MTA3: variants seen among roughly 807,000 people sequenced by gnomAD.
MTA3 encodes metastasis associated 1 family member 3, also known as metastasis-associated protein MTA3.
Under a neutral mutation model 83.5 loss-of-function variants are expected in MTA3, and 34 were observed. The observed-to-expected ratio is 0.41, with a 90% confidence interval of 0.31 to 0.54. MTA3 has a LOEUF of 0.54. Among genes scored for constraint, MTA3 ranks in the 20% least tolerant of loss-of-function variants. The probability of loss-of-function intolerance (pLI) is 0.33; values close to 1 mark genes in which losing one functional copy is unlikely to be tolerated. For synonymous variants in MTA3, 303 were observed against 252.7 expected (o/e 1.20, Z -1.89); for missense variants, 761 against 726.4 (o/e 1.05, Z -0.55).
Position 42,753,513 on chromosome 2 carries a change from C to T in MTA3, c.*114C>T. 1.3e-6 allele frequency: 2 copies of T among 1,524,790 alleles called. No individual in the cohort carries two copies. Among genetic ancestry groups the T allele is most frequent in the Non-Finnish European group, 1.8e-6 (2 of 1,132,972 alleles). 94.5% of individuals were successfully genotyped at this position (1,524,790 alleles called of 1,614,324 possible). On this transcript the variant is annotated 3_prime_UTR_variant, in exon 17 of 17. Transcript: ENST00000405094. ...CCCAGTACATTTCAGTGGGAGACCT[C>T]TGCGTGCATCCATGGAGACGCAATG...
intron 4 of MTA3, among the ~76,000 whole-genome samples, chr2:42,632,015 A>G (rs1686724795): frequency 6.6e-6 from 1 of 150,622 alleles, no homozygotes; most frequent in Admixed American, 6.6e-5. Flanking sequence ...AAAATGTACA[A>G]TTAAGTTATT....
intron 2 of MTA3, among the ~76,000 whole-genome samples, chr2:42,554,067 C>G (rs1178154405): frequency 2.0e-5 from 3 of 151,944 alleles, no homozygotes; most frequent in Non-Finnish European, 4.4e-5. Context: ...AACTCCGTCT[C>G]TACCAAAAAT....
chr2:42,665,627 C>A (rs756362310), intron 8 of MTA3, among the ~76,000 whole-genome samples: 2 of 152,168 alleles, frequency 1.3e-5, no homozygotes, highest in African/African-American at 2.4e-5. Flanking sequence ...TGTGAGGGAG[C>A]TGGATCGAAG....
In MTA3 at chr2:42,579,167, A is replaced by G; in HGVS notation, c.157A>G (p.Asn53Asp). The change falls in exon 3 of 17, where the codon AAC (asparagine) becomes GAC (aspartate). Residue 53 changes from asparagine to aspartate, a missense_variant. Asn to Asp is a conservative substitution (Grantham distance 23). Transcript: ENST00000405094. ...VCFYRRRDISNTLIMLADKHA... is the reference protein window; with the variant it reads ...VCFYRRRDISDTLIMLADKHA... ...CTTTTATAGACGACGTGATATTTCC[A>G]ACACACTTATAATGCTCGCAGATAA... 1.2e-6 allele frequency: 2 copies of G among 1,607,238 alleles called. No homozygotes were observed. Among genetic ancestry groups the G allele is most frequent in the South Asian group, 1.1e-5 (1 of 89,228 alleles).
chr2:42,559,824 T>C (rs1231504990), intron 2 of MTA3, among the ~76,000 whole-genome samples: 1 of 113,354 alleles, frequency 8.8e-6, no homozygotes, highest in African/African-American at 3.4e-5. Flanking sequence ...GGCAGGGGGG[T>C]GCGGTGGAGG....
At chr2:42,626,384 G>C (rs1466158842) in intron 4 of MTA3, among the ~76,000 whole-genome samples, 2 of 151,520 alleles carry the variant, frequency 1.3e-5, no homozygotes, top group African/African-American at 4.9e-5. Context: ...TGCAACCTCT[G>C]CTTCTTGGGC....
At chr2:42,497,739 A>G (rs1674212495) in intron 2 of MTA3, among the ~76,000 whole-genome samples, 1 of 152,288 alleles carries the variant, frequency 6.6e-6, no homozygotes, top group Middle Eastern at 3.4e-3. Flanking sequence ...TAATACCTAC[A>G]TCCAAAGGGG....
intron 6 of MTA3, 85 bp downstream of exon 6, chr2:42,644,329 T>C (rs1162831876): frequency 1.2e-6 from 1 of 807,038 alleles, no homozygotes; most frequent in Non-Finnish European, 2.0e-6. Context: ...GAAGAGGCAA[T>C]GTTCAGGGCA....
intron 2 of MTA3, among the ~76,000 whole-genome samples, chr2:42,558,070 A>C (rs1012792030): frequency 6.6e-6 from 1 of 152,052 alleles, no homozygotes; most frequent in Non-Finnish European, 1.5e-5. Flanking sequence ...CTCTTGCTCC[A>C]GTTTGTCGGT....
intron 8 of MTA3, among the ~76,000 whole-genome samples, chr2:42,678,394 G>C (rs1405244465): frequency 6.6e-6 from 1 of 152,134 alleles, no homozygotes; most frequent in Non-Finnish European, 1.5e-5. Context: ...CTGGAGTGCA[G>C]TGGCGTGATC....
intron 16 of MTA3, among the ~76,000 whole-genome samples, chr2:42,739,802 G>C (rs558551753): frequency 3.7e-4 from 57 of 152,286 alleles, no homozygotes; most frequent in African/African-American, 1.2e-3. Context: ...TGTTCACAGC[G>C]TGTTCAGGAG....
intron 2 of MTA3, among the ~76,000 whole-genome samples, chr2:42,549,591 TATAC>T (rs1296560061): frequency 3.4e-5 from 4 of 118,932 alleles, no homozygotes; most frequent in African/African-American, 1.4e-4. Context: ...TAATATATTA[TATAC>T]ATATACATAT....
chr2:42,649,184 C>T (rs1274713132), intron 6 of MTA3, among the ~76,000 whole-genome samples: 1 of 152,124 alleles, frequency 6.6e-6, no homozygotes, highest in Non-Finnish European at 1.5e-5. Context: ...CATTTGAGGT[C>T]AGGAGTTCGA....
intron 3 of MTA3, among the ~76,000 whole-genome samples, chr2:42,585,954 A>C (rs1303490222): frequency 6.6e-6 from 1 of 152,124 alleles, no homozygotes; most frequent in Non-Finnish European, 1.5e-5. Context: ...AAAAAAATAA[A>C]TTATAAACAA....
rs1314486828 is a variant in MTA3, at chr2:42,708,910, A to C, written c.1339A>C (p.Met447Leu). 1.2e-6 allele frequency: 2 copies of C among 1,613,982 alleles called. No individual in the cohort carries two copies. Among genetic ancestry groups the C allele is most frequent in the South Asian group, 2.2e-5 (2 of 91,088 alleles). Residue 447 changes from methionine (M) to leucine (L), a missense_variant, in exon 14 of 17, where the codon ATG (methionine) becomes CTG (leucine). By Grantham distance (15) the Met-to-Leu change is conservative. Coordinates refer to ENST00000405094, the MANE Select transcript of MTA3 (RefSeq NM_001330442.2). ...RVRSHVSRQAMQGMPVRNTGS... is the reference protein window; with the variant it reads ...RVRSHVSRQALQGMPVRNTGS... ...TAGAAGTCACGTGTCCCGCCAGGCC[A>C]TGCAGGGAATGCCAGTCCGAAACAC...
At position 42,755,368 on chromosome 2, in the gene MTA3, C is replaced by T. The variant is rs1160204848; in HGVS notation, c.*1969C>T. ...TGCCTTTTGGGAGAGGCCCTCTCAC[C>T]CAGGCCCAAGAGATTTGGAGACAGG... On this transcript the variant is annotated 3_prime_UTR_variant, in exon 17 of 17. Transcript: ENST00000405094. The T allele has an allele frequency of 2.0e-6, 2 of 985,330 alleles. No homozygotes were observed. The highest frequency in any genetic ancestry group is 2.4e-6 in the Non-Finnish European group (2 of 829,976). 61.0% of individuals were successfully genotyped at this position (985,330 alleles called of 1,614,324 possible).
chr2:42,689,169 A>G (rs1485046714), intron 9 of MTA3, among the ~76,000 whole-genome samples: 3 of 152,222 alleles, frequency 2.0e-5, no homozygotes, highest in African/African-American at 7.2e-5. Context: ...CAACCAGTGT[A>G]CCTGGCTATC....
intron 14 of MTA3, among the ~76,000 whole-genome samples, chr2:42,714,500 G>C (rs1436145160): frequency 6.6e-6 from 1 of 152,156 alleles, no homozygotes; most frequent in Non-Finnish European, 1.5e-5. Context: ...GCACATGTGG[G>C]ATGTTTTTGT....
At chr2:42,618,396 G>A (rs1307480663) in intron 4 of MTA3, among the ~76,000 whole-genome samples, 1 of 151,892 alleles carries the variant, frequency 6.6e-6, no homozygotes, top group Non-Finnish European at 1.5e-5. Flanking sequence ...ATTTCCTCCC[G>A]GTAATGTATT....
Sources: gnomAD v4.1 joint callset for allele counts (sites outside exome capture counted in the v4.1 genomes callset) on GRCh38, gnomAD v4.1.1 for gene constraint, MANE v1.5 for transcripts, NCBI Gene and HGNC (gene_info 2026-07-23, HGNC 2026-07-21) for gene names.